The following KIAA1549L variants were observed in gnomAD, a reference collection of about 807,000 sequenced individuals.
The protein encoded by KIAA1549L is KIAA1549 like.
Under a neutral mutation model 160.7 loss-of-function variants are expected in KIAA1549L, and 88 were observed. The ratio of observed to expected loss-of-function variants is 0.55; its 90% CI spans 0.46 to 0.65. The LOEUF (loss-of-function observed/expected upper bound fraction) is 0.65. Ranked by LOEUF, KIAA1549L falls within the 30% of genes least tolerant of loss-of-function variation. The pLI is 0.00. For synonymous variants in KIAA1549L, 950 were observed against 976.7 expected (o/e 0.97, Z 0.51); for missense variants, 2,258 against 2,437.5 (o/e 0.93, Z 1.55).
intron 1 of KIAA1549L, among the ~76,000 whole-genome samples, chr11:33,392,166 A>G (rs573853827): frequency 6.6e-6 from 1 of 152,328 alleles, no homozygotes; most frequent in Admixed American, 6.5e-5. Context: ...ATCTGATTAC[A>G]ATGTAAATAT....
chr11:33,652,817 CA>C (rs1406760839), intron 17 of KIAA1549L, among the ~76,000 whole-genome samples: 1 of 152,154 alleles, frequency 6.6e-6, no homozygotes, highest in African/African-American at 2.4e-5. Flanking sequence ...GGGAGGTCCT[CA>C]GGGGGTCATT....
In KIAA1549L at chr11:33,668,123, AACAG is replaced by A; in HGVS notation, c.6418_6421del (p.Asp2140CysfsTer32). 1.2e-6 allele frequency: 2 copies of A among 1,613,878 alleles called. No individual in the cohort carries two copies. Among genetic ancestry groups the A allele is most frequent in the Non-Finnish European group, 1.7e-6 (2 of 1,179,868 alleles). ...GAGGAGGTGGCCAAGCTGGCCAAAA[AACAG>A]ACAGACATGTTTGAGTTCCAGGTCT... On this transcript the variant is annotated frameshift_variant, in exon 21 of 21. Coordinates refer to ENST00000658780, the MANE Select transcript of KIAA1549L (RefSeq NM_012194.3). LOFTEE classifies it high-confidence loss of function.
chr11:33,482,398 C>T (rs1316500762), intron 1 of KIAA1549L, among the ~76,000 whole-genome samples: 2 of 151,974 alleles, frequency 1.3e-5, no homozygotes, highest in African/African-American at 2.4e-5. Flanking sequence ...TTTTTCCCCC[C>T]AGTGACTATA....
At chr11:33,483,106 C>G (rs1852447422) in intron 1 of KIAA1549L, among the ~76,000 whole-genome samples, 1 of 152,136 alleles carries the variant, frequency 6.6e-6, no homozygotes, top group Non-Finnish European at 1.5e-5. Flanking sequence ...TCCTCTCTTT[C>G]CCTCCTCTCC....
At chr11:33,621,111 T>C (rs1373204071) in intron 16 of KIAA1549L, among the ~76,000 whole-genome samples, 1 of 152,170 alleles carries the variant, frequency 6.6e-6, no homozygotes. Flanking sequence ...ATTTTACGTT[T>C]TTTGAAAGAT....
chr11:33,664,951 C>T (rs763113929), intron 20 of KIAA1549L, among the ~76,000 whole-genome samples: 3 of 152,142 alleles, frequency 2.0e-5, no homozygotes, highest in East Asian at 1.9e-4. Context: ...GTAGATCAAA[C>T]GGGACATGCA....
chr11:33,542,518 G>A lies in KIAA1549L; in HGVS notation c.955G>A (p.Gly319Arg). Residue 319 changes from glycine (G) to arginine (R), a missense_variant, in exon 2 of 21, where the codon GGA becomes AGA. By Grantham distance (125) the Gly-to-Arg change is moderately radical. Coordinates refer to ENST00000658780, the MANE Select transcript of KIAA1549L (RefSeq NM_012194.3). ...AGGCATCCCTCATCTAGGTGTTTCT[G>A]GATCCTCAACAAAATGGCATTCCGA... ...LIGIPHLGVS[G>R]SSTKWHSELS... The A allele has an allele frequency of 1.2e-6, 2 of 1,613,344 alleles. No individual in the cohort carries two copies. Among genetic ancestry groups the A allele is most frequent in the Non-Finnish European group, 1.7e-6 (2 of 1,179,318 alleles).
intron 1 of KIAA1549L, among the ~76,000 whole-genome samples, chr11:33,497,903 ATCTGGAT>A (rs1366304732): frequency 6.6e-5 from 10 of 152,334 alleles, no homozygotes; most frequent in Non-Finnish European, 1.5e-4. Flanking sequence ...TGCCATTCTG[ATCTGGAT>A]TCAAATCCCA....
chr11:33,440,128 T>TC (rs1445961901), intron 1 of KIAA1549L, among the ~76,000 whole-genome samples: 5 of 57,592 alleles, frequency 8.7e-5, no homozygotes, highest in South Asian at 1.2e-3. Flanking sequence ...TTCTTTTTTT[T>TC]TTTTTTTTTT....
intron 18 of KIAA1549L, among the ~76,000 whole-genome samples, chr11:33,658,537 G>A (rs1852146830): frequency 6.6e-6 from 1 of 152,152 alleles, no homozygotes; most frequent in Non-Finnish European, 1.5e-5. Flanking sequence ...TTCAGCTGAG[G>A]CCACCATGAC....
chr11:33,476,041 T>C (rs181584883), intron 1 of KIAA1549L, among the ~76,000 whole-genome samples: 10 of 152,304 alleles, frequency 6.6e-5, no homozygotes, highest in Non-Finnish European at 1.0e-4. Context: ...CATGATCTTT[T>C]AAAACCTGGA....
chr11:33,661,696 A>G (rs1253477337), intron 20 of KIAA1549L, among the ~76,000 whole-genome samples: 1 of 152,096 alleles, frequency 6.6e-6, no homozygotes, highest in Non-Finnish European at 1.5e-5. Flanking sequence ...CCTGGCAAAC[A>G]TGGTGAAACC....
intron 13 of KIAA1549L, among the ~76,000 whole-genome samples, chr11:33,603,777 GC>G (rs1162817099): frequency 6.6e-6 from 1 of 151,254 alleles, no homozygotes; most frequent in Admixed American, 6.6e-5. Flanking sequence ...TTGCACTCCA[GC>G]CTGGGCAACA....
Position 33,542,936 on chromosome 11 carries a change from G to T in KIAA1549L, c.1373G>T (p.Arg458Ile). ...LHLSAAPENSRGPALSAEHTS... is the reference protein window; with the variant it reads ...LHLSAAPENSIGPALSAEHTS... ...TTGTCAGCAGCTCCAGAGAATTCCA[G>T]AGGGCCCGCCCTTTCGGCAGAACAC... is the stretch of plus-strand genomic sequence containing the variant. The change falls in exon 2 of 21, where the codon AGA (arginine) becomes ATA (isoleucine). Residue 458 changes from arginine (R) to isoleucine (I), a missense_variant. Transcript: ENST00000658780. The T allele has an allele frequency of 6.2e-7, 1 of 1,614,052 alleles. No individual in the cohort carries two copies. The highest frequency in any genetic ancestry group is 8.5e-7 in the Non-Finnish European group (1 of 1,179,896).
chr11:33,395,329 A>T (rs923283590), intron 1 of KIAA1549L, among the ~76,000 whole-genome samples: 1 of 152,220 alleles, frequency 6.6e-6, no homozygotes, highest in Non-Finnish European at 1.5e-5. Flanking sequence ...TAACGCGCTT[A>T]ACTCTGTGAG....
chr11:33,412,478 G>C (rs796768287), intron 1 of KIAA1549L, among the ~76,000 whole-genome samples: 12 of 152,342 alleles, frequency 7.9e-5, no homozygotes, highest in African/African-American at 2.6e-4. Context: ...AAATAAGACT[G>C]TGTGGGCTGG....
At chr11:33,464,110 G>A (rs1205930440) in intron 1 of KIAA1549L, among the ~76,000 whole-genome samples, 2 of 152,202 alleles carry the variant, frequency 1.3e-5, no homozygotes, top group African/African-American at 2.4e-5. Flanking sequence ...TGAGGAAACA[G>A]TCTTAAAGTG....
intron 1 of KIAA1549L, among the ~76,000 whole-genome samples, chr11:33,392,241 C>T (rs951594669): frequency 5.3e-5 from 8 of 152,146 alleles, no homozygotes; most frequent in Non-Finnish European, 8.8e-5. Context: ...GTCAAACACA[C>T]GGAAAAGTAG....
intron 10 of KIAA1549L, among the ~76,000 whole-genome samples, chr11:33,579,243 G>T (rs978178707): frequency 3.3e-5 from 5 of 152,178 alleles, no homozygotes; most frequent in Non-Finnish European, 7.3e-5. Context: ...AGGGCTTGGT[G>T]CAGTCCTGGG....
Sources: gnomAD v4.1 joint callset for allele counts (sites outside exome capture counted in the v4.1 genomes callset) on GRCh38, gnomAD v4.1.1 for gene constraint, MANE v1.5 for transcripts, NCBI Gene and HGNC (gene_info 2026-07-23, HGNC 2026-07-21) for gene names.